The following SYT1 variants were observed in gnomAD, a reference collection of about 807,000 sequenced individuals.
SYT1 encodes the protein synaptotagmin 1, also known as synaptotagmin-1.
Under a neutral mutation model 44.8 loss-of-function variants are expected in SYT1, and 8 were observed. The observed-to-expected ratio is 0.18, with a 90% CI of 0.10 to 0.32. The LOEUF (loss-of-function observed/expected upper bound fraction) is 0.32, where lower values mean the gene tolerates loss of function less well. Among genes scored for constraint, SYT1 ranks in the 10% least tolerant of loss-of-function variants. SYT1 has a pLI of 1.00. For synonymous variants in SYT1, 154 were observed against 188.8 expected, an observed-to-expected ratio of 0.82 and a Z score of 1.51; for missense variants, 286 against 509.3, an observed-to-expected ratio of 0.56 and a Z score of 4.22.
chr12:79,026,762 A>G (rs1188004445), intron 2 of SYT1, among the ~76,000 whole-genome samples: 1 of 144,456 alleles, frequency 6.9e-6, no homozygotes, highest in East Asian at 2.1e-4. Flanking sequence ...TTTCTTAGCT[A>G]TTGTGAATAA....
chr12:79,314,444 G>T (rs973919476), intron 8 of SYT1, among the ~76,000 whole-genome samples: 2 of 152,154 alleles, frequency 1.3e-5, no homozygotes, highest in South Asian at 4.1e-4. Flanking sequence ...CTCAGCACGT[G>T]TGAGTGGAAG....
intron 1 of SYT1, among the ~76,000 whole-genome samples, chr12:78,936,856 CTT>C (rs1878091077): frequency 6.6e-6 from 1 of 152,106 alleles, no homozygotes; most frequent in Admixed American, 6.6e-5. Context: ...GAAAGGAAAA[CTT>C]TCTCATATCT....
rs143992702 is a variant in SYT1, at chr12:79,436,795, G to A, written c.929-7278G>A. 4.5e-3 allele frequency among the ~76,000 whole-genome samples: 692 copies of A among 152,296 alleles called. 4 individuals carry two copies. The highest frequency in any genetic ancestry group is 0.024 in the Middle Eastern group (7 of 294). On this transcript the variant is annotated intron_variant, in intron 9 of 10. Transcript: ENST00000261205. ...GAATGGCCTTTCCAAAGTTCATCTC[G>A]AAGCCAACAGTTCTGAATTCAAAAC...
At chr12:79,388,833 C>G (rs952352487) in intron 9 of SYT1, among the ~76,000 whole-genome samples, 1 of 152,188 alleles carries the variant, frequency 6.6e-6, no homozygotes, top group Non-Finnish European at 1.5e-5. Context: ...GGGCTAACTA[C>G]GTCATGGAAA....
intron 9 of SYT1, among the ~76,000 whole-genome samples, chr12:79,428,548 G>T (rs1401598179): frequency 6.6e-6 from 1 of 152,150 alleles, no homozygotes; most frequent in Admixed American, 6.5e-5. Context: ...GTACATACAG[G>T]CAGAGTGTCC....
chr12:79,314,160 C>T (rs1880962457), intron 8 of SYT1, among the ~76,000 whole-genome samples: 1 of 115,430 alleles, frequency 8.7e-6, no homozygotes, highest in Admixed American at 9.4e-5. Context: ...CAGAGCGAGA[C>T]TCCGTCTCAA....
chr12:79,027,521 T>C (rs1565770138), intron 2 of SYT1, among the ~76,000 whole-genome samples: 1 of 151,216 alleles, frequency 6.6e-6, no homozygotes, highest in African/African-American at 2.4e-5. Context: ...GTATAACAAA[T>C]AATACATAGA....
chr12:79,033,012 G>GC (rs1017644350), intron 2 of SYT1, among the ~76,000 whole-genome samples: 1 of 151,206 alleles, frequency 6.6e-6, no homozygotes, highest in Non-Finnish European at 1.5e-5. Context: ...CTTATAATCT[G>GC]CCTCGAGTTG....
At chr12:79,012,149 A>G (rs939251853) in intron 2 of SYT1, among the ~76,000 whole-genome samples, 8 of 150,298 alleles carry the variant, frequency 5.3e-5, no homozygotes, top group African/African-American at 9.7e-5. Context: ...AAAAAAAAAA[A>G]GGGAGAGAAT....
chr12:79,414,072 A>G (rs1918183), intron 9 of SYT1, among the ~76,000 whole-genome samples: 20,259 of 152,176 alleles, frequency 0.13, 1,831 homozygotes, highest in Middle Eastern at 0.34. Context: ...ATAAAATTAT[A>G]AAACATTATT....
intron 8 of SYT1, among the ~76,000 whole-genome samples, chr12:79,335,594 T>C (rs1397162444): frequency 6.6e-6 from 1 of 152,124 alleles, no homozygotes; most frequent in African/African-American, 2.4e-5. Context: ...GTATAAATAA[T>C]ATGTAACATT....
Position 79,440,952 on chromosome 12 carries a change from C to T in SYT1, c.929-3121C>T, listed in dbSNP as rs56885472. On this transcript the variant is annotated intron_variant, in intron 9 of 10. Coordinates refer to ENST00000261205, the MANE Select transcript of SYT1 (RefSeq NM_005639.3). The stretch of plus-strand genomic sequence containing the variant: ...TCGCTAAAGGGACCCAAGTTCAGGA[C>T]GAGACTTCAATACAGTGAAAGAACT... Among the ~76,000 whole-genome samples, 1,063 of 152,206 alleles carry T rather than the reference C, an allele frequency of 7.0e-3. 16 individuals are homozygous for T. The highest frequency in any genetic ancestry group is 0.024 in the African/African-American group (1,009 of 41,522).
At chr12:78,913,838 G>T (rs1313528939) in intron 1 of SYT1, among the ~76,000 whole-genome samples, 1 of 151,762 alleles carries the variant, frequency 6.6e-6, no homozygotes, top group Non-Finnish European at 1.5e-5. Context: ...ACATACATGG[G>T]GATATTGGAA....
chr12:79,018,100 T>C (rs1013894265), intron 2 of SYT1, among the ~76,000 whole-genome samples: 6 of 151,732 alleles, frequency 4.0e-5, no homozygotes, highest in African/African-American at 1.5e-4. Context: ...AACCCAAATG[T>C]CCAACAATGA....
chr12:79,345,048 G>T (rs1462339008), intron 8 of SYT1, among the ~76,000 whole-genome samples: 2 of 152,098 alleles, frequency 1.3e-5, no homozygotes, highest in African/African-American at 4.8e-5. Context: ...GAACACTCAT[G>T]CCCTCTTGTG....
chr12:79,366,549 C>T lies in SYT1; in HGVS notation c.928+12930C>T, dbSNP rs561876298. Among the ~76,000 whole-genome samples, 5 of 152,348 alleles carry T rather than the reference C, an allele frequency of 3.3e-5. No individual in the cohort carries two copies. The South Asian group carries it at 1.0e-3, about 32-fold the overall frequency. ...AAAATGCCAGCATTTGTCCCTGCCT[C>T]CTTGGCCTCCAGTGGAGTTGCAACT... On this transcript the variant is annotated intron_variant, in intron 9 of 10. Transcript: ENST00000261205.
chr12:78,994,608 T>G (rs1870246169), intron 2 of SYT1, among the ~76,000 whole-genome samples: 1 of 141,940 alleles, frequency 7.0e-6, no homozygotes, highest in Non-Finnish European at 1.5e-5. Flanking sequence ...TGACCTCAGC[T>G]CACTGCAACC....
chr12:79,380,575 T>TG (rs1884176211), intron 9 of SYT1, among the ~76,000 whole-genome samples: 1 of 152,262 alleles, frequency 6.6e-6, no homozygotes, highest in South Asian at 2.1e-4. Flanking sequence ...TTTTAATACA[T>TG]GGGGGTCTCA....
At chr12:79,074,855 A>T (rs1876531366) in intron 3 of SYT1, among the ~76,000 whole-genome samples, 4 of 152,276 alleles carry the variant, frequency 2.6e-5, no homozygotes, top group African/African-American at 9.6e-5. Context: ...CAGGGCTGAG[A>T]CACTTAGGGA....
Sources: gnomAD v4.1 joint callset for allele counts (sites outside exome capture counted in the v4.1 genomes callset) on GRCh38, gnomAD v4.1.1 for gene constraint, MANE v1.5 for transcripts, NCBI Gene and HGNC (gene_info 2026-07-23, HGNC 2026-07-21) for gene names.